ITGA8: variants seen among roughly 807,000 people sequenced by gnomAD.
ITGA8 encodes the protein integrin subunit alpha 8, also known as integrin alpha-8.
Under a neutral mutation model 142.3 loss-of-function variants are expected in ITGA8, and 91 were observed. That is an observed-to-expected ratio of 0.64 (90% CI 0.54 to 0.76). The LOEUF (loss-of-function observed/expected upper bound fraction) is 0.76. Ranked by LOEUF, ITGA8 falls within the 30% of genes least tolerant of loss-of-function variation. The pLI, the probability that ITGA8 is intolerant of heterozygous loss-of-function variation, is 0.00. For synonymous variants in ITGA8, 505 were observed against 485.2 expected, an observed-to-expected ratio of 1.04 and a Z score of -0.54; for missense variants, 1,406 against 1,327.7, an observed-to-expected ratio of 1.06 and a Z score of -0.92.
chr10:15,644,164 T>A lies in ITGA8; in HGVS notation c.1265A>T (p.Tyr422Phe), dbSNP rs753446239. 1 of 1,614,176 alleles carries A rather than the reference T, an allele frequency of 6.2e-7. No homozygotes were observed. The highest frequency in any genetic ancestry group is 8.5e-7 in the Non-Finnish European group (1 of 1,180,034). Residue 422 changes from tyrosine to phenylalanine, a missense_variant, in exon 13 of 30, where the codon TAT becomes TTT. Tyr to Phe is a conservative substitution (Grantham distance 22). Coordinates refer to ENST00000378076, the MANE Select transcript of ITGA8 (RefSeq NM_003638.3). ...GTTTAAGCCATCTTTGTTCCCATTA[T>A]AAATGAGCACTTTGCCTCTTTGATC... ...GKDQRGKVLI[Y>F]NGNKDGLNTK...
chr10:15,572,011 C>T (rs1364582751), intron 25 of ITGA8, among the ~76,000 whole-genome samples, 200 bp downstream of exon 25: 1 of 152,104 alleles, frequency 6.6e-6, no homozygotes, highest in East Asian at 1.9e-4. Context: ...AGCAACAAAA[C>T]AAAAAGAAAT....
intron 21 of ITGA8, among the ~76,000 whole-genome samples, chr10:15,592,575 CAAATAT>C (rs1291382013): frequency 1.3e-5 from 2 of 152,084 alleles, no homozygotes; most frequent in Non-Finnish European, 2.9e-5. Context: ...GAAAATAATC[CAAATAT>C]ATGAGAAGAC....
At chr10:15,574,947 A>G (rs967705870) in intron 24 of ITGA8, among the ~76,000 whole-genome samples, 7 of 152,194 alleles carry the variant, frequency 4.6e-5, no homozygotes, top group African/African-American at 1.7e-4. Flanking sequence ...CAACAACAAT[A>G]GTAACAAGAT....
chr10:15,515,707 C>A lies in ITGA8; in HGVS notation c.*1451G>T, dbSNP rs373469556. On this transcript the variant is annotated 3_prime_UTR_variant, in exon 30 of 30. Transcript: ENST00000378076. ...TCAGTATTTCTTCATAGTAATTTTT[C>A]ATTATTAAAAAAGGATACAAAATTG... The A allele has an allele frequency of 1.3e-4, 20 of 151,770 alleles. No homozygotes were observed. In the East Asian group the frequency reaches 3.9e-3, roughly 29 times the overall value. The allele number at this position is 151,770 out of a possible 1,614,324, so 9.4% of individuals were successfully genotyped here.
chr10:15,541,509 G>A (rs1369592034), intron 27 of ITGA8, among the ~76,000 whole-genome samples: 1 of 152,150 alleles, frequency 6.6e-6, no homozygotes, highest in Non-Finnish European at 1.5e-5. Flanking sequence ...AGGCCATGAG[G>A]GATAATTTGT....
chr10:15,647,193 G>A (rs948996223), intron 11 of ITGA8, 142 bp from the exon 12 acceptor site: 7 of 633,638 alleles, frequency 1.1e-5, no homozygotes, highest in African/African-American at 3.6e-5. Flanking sequence ...GATTGCTTTC[G>A]CTGCTTTGTT....
Position 15,646,405 on chromosome 10 carries a change from GT to G in ITGA8, c.1207+440del, listed in dbSNP as rs77862960. Among the ~76,000 whole-genome samples, 432 of 152,250 alleles carry G rather than the reference GT, an allele frequency of 2.8e-3. 12 individuals carry two copies. In the East Asian group the frequency reaches 0.06, roughly 21 times the overall value. ...AATGTCTCTTAAAATTCATTTAGAG[GT>G]TTTCAAAATGTAGTAACACCCTCAA... On this transcript the variant is annotated intron_variant, in intron 12 of 29. Transcript: ENST00000378076.
At chr10:15,630,738 A>C (rs1230233210) in intron 13 of ITGA8, among the ~76,000 whole-genome samples, 1 of 152,020 alleles carries the variant, frequency 6.6e-6, no homozygotes, top group Non-Finnish European at 1.5e-5. Context: ...ATTAAAAAAC[A>C]TGCAGAGGGA....
chr10:15,684,532 A>G (rs1020432067), intron 3 of ITGA8, among the ~76,000 whole-genome samples: 1 of 151,776 alleles, frequency 6.6e-6, no homozygotes, highest in Non-Finnish European at 1.5e-5. Flanking sequence ...ATGCCTGGCT[A>G]ATTTGTTTTG....
At chr10:15,718,664 A>G in intron 2 of ITGA8, 102 bp downstream of exon 2, 3 of 1,440,688 alleles carry the variant, frequency 2.1e-6, no homozygotes, top group Non-Finnish European at 2.9e-6. Flanking sequence ...ATATCAGACA[A>G]GCTAAACGAG....
At position 15,584,737 on chromosome 10, in the gene ITGA8, G is replaced by A. The variant is rs11259746; in HGVS notation, c.2372+1847C>T. On this transcript the variant is annotated intron_variant, in intron 23 of 29. Transcript: ENST00000378076. ...AATAAAAGCCCTGCATTTTCATCCAGAGTAGAATAGATAAATAAATTATGG... is the reference window on the plus strand; with the variant it reads ...AATAAAAGCCCTGCATTTTCATCCAAAGTAGAATAGATAAATAAATTATGG... Among the ~76,000 whole-genome samples the A allele has an allele frequency of 3.9e-3, 589 of 152,196 alleles. 2 individuals carry two copies. Among genetic ancestry groups the A allele is most frequent in the African/African-American group, 0.013 (555 of 41,538 alleles).
intron 10 of ITGA8, among the ~76,000 whole-genome samples, chr10:15,658,456 C>T (rs747170834): frequency 2.5e-4 from 38 of 152,202 alleles, no homozygotes; most frequent in Non-Finnish European, 3.4e-4. Context: ...CCTGTCCCCT[C>T]CGTCCTCAGC....
At chr10:15,678,876 A>G (rs1360884821) in intron 4 of ITGA8, 93 bp from the exon 5 acceptor site, 32 of 696,920 alleles carry the variant, frequency 4.6e-5, no homozygotes, top group Admixed American at 1.7e-4. Context: ...TTTTCTCTAG[A>G]ACCTTCTAAA....
rs764313692 is a variant in ITGA8 at position 15,719,534 on chromosome 10, C to T, written c.209+29G>A. On this transcript the variant is annotated intron_variant, in intron 1 of 29. Transcript: ENST00000378076. ...TGACCCGGGAGCGCCTTCGTCCCCG[C>T]GCGCACCTCCCCGGGTCGGGCGACT... 15 of 1,517,734 alleles carry T rather than the reference C, an allele frequency of 9.9e-6. No individual in the cohort carries two copies. In the South Asian group the frequency reaches 1.5e-4, roughly 15 times the overall value. 94.0% of individuals were successfully genotyped at this position (1,517,734 alleles called of 1,614,324 possible). A position where few individuals can be genotyped will look rare whatever the true frequency, so the allele number is the denominator to read the frequency against.
At chr10:15,554,252 T>C (rs1833844841) in intron 26 of ITGA8, among the ~76,000 whole-genome samples, 1 of 152,218 alleles carries the variant, frequency 6.6e-6, no homozygotes, top group Admixed American at 6.5e-5. Context: ...TAAAAACTCA[T>C]GAGCCTTCTC....
intron 13 of ITGA8, among the ~76,000 whole-genome samples, chr10:15,620,469 C>T (rs957480578): frequency 1.3e-5 from 2 of 152,124 alleles, no homozygotes; most frequent in Admixed American, 6.6e-5. Context: ...TCTGTGCCTT[C>T]GGGTGGGAAT....
At chr10:15,566,747 T>C (rs115893572) in intron 25 of ITGA8, among the ~76,000 whole-genome samples, 1,747 of 151,514 alleles carry the variant, frequency 0.012, 29 homozygotes, top group African/African-American at 0.04. Flanking sequence ...GGAGACAGGT[T>C]GTTGCAGTGA....
At chr10:15,704,439 T>C (rs1383035429) in intron 2 of ITGA8, among the ~76,000 whole-genome samples, 1 of 152,078 alleles carries the variant, frequency 6.6e-6, no homozygotes, top group Non-Finnish European at 1.5e-5. Context: ...TTTTCTCAAA[T>C]GCGAAACCAG....
intron 13 of ITGA8, among the ~76,000 whole-genome samples, chr10:15,640,321 A>G (rs1833848153): frequency 6.6e-6 from 1 of 152,148 alleles, no homozygotes; most frequent in Non-Finnish European, 1.5e-5. Flanking sequence ...CAGATTTCCC[A>G]GCCACATTGG....
Sources: gnomAD v4.1 joint callset for allele counts (sites outside exome capture counted in the v4.1 genomes callset) on GRCh38, gnomAD v4.1.1 for gene constraint, MANE v1.5 for transcripts, NCBI Gene and HGNC (gene_info 2026-07-23, HGNC 2026-07-21) for gene names.